EGFL6: variants seen among roughly 807,000 people sequenced by gnomAD.
EGFL6 encodes EGF like domain multiple 6, also known as epidermal growth factor-like protein 6.
Under a neutral mutation model 43.1 loss-of-function variants are expected in EGFL6, and 42 were observed. The ratio of observed to expected loss-of-function variants is 0.98; its 90% CI spans 0.76 to 1.26. The LOEUF is 1.26. Among genes scored for constraint, EGFL6 ranks in the 50% most tolerant of loss-of-function variants. The pLI, the probability that EGFL6 is intolerant of heterozygous loss-of-function variation, is 0.00. For missense variants in EGFL6, 429 were observed against 427.8 expected, an observed-to-expected ratio of 1.00 and a Z score of -0.02; for synonymous variants, 164 against 163.2, an observed-to-expected ratio of 1.01 and a Z score of -0.04.
At chrX:13,594,415 C>T (rs2045585002) in intron 2 of EGFL6, among the ~76,000 whole-genome samples, 1 of 111,591 alleles carries the variant, frequency 9.0e-6, no homozygotes. Flanking sequence ...GCACCTTCCT[C>T]CCTCCAATCT....
At chrX:13,592,215 TAAA>T (rs34800412) in intron 2 of EGFL6, among the ~76,000 whole-genome samples, 1 of 90,005 alleles carries the variant, frequency 1.1e-5, no homozygotes. Flanking sequence ...CTTCAGGGCT[TAAA>T]AAAAAAAAAA....
rs1423748003 is a variant in EGFL6 at position 13,632,971 on chromosome X, C to G, written c.1552-14C>G. The stretch of plus-strand genomic sequence containing the variant: ...CAGTTTGGAGTAATTTTTTTATTCT[C>G]TCTCCATTATTAGATCATTTTTGAA... On this transcript the variant is annotated splice_polypyrimidine_tract_variant and intron_variant, in intron 11 of 11. Coordinates refer to ENST00000361306, the MANE Select transcript of EGFL6 (RefSeq NM_015507.4). 8.4e-7 allele frequency: 1 copy of G among 1,193,128 alleles called. No homozygotes were observed. The highest frequency in any genetic ancestry group is 1.1e-6 in the Non-Finnish European group (1 of 882,786).
intron 1 of EGFL6, 79 bp downstream of exon 1, chrX:13,570,014 A>G: frequency 1.1e-6 from 1 of 946,056 alleles, no homozygotes. Flanking sequence ...CTTTGCAGGC[A>G]CCCCCGCGTG....
At chrX:13,582,806 C>G (rs908293336) in intron 1 of EGFL6, among the ~76,000 whole-genome samples, 1 of 111,508 alleles carries the variant, frequency 9.0e-6, no homozygotes, top group Admixed American at 9.5e-5. Flanking sequence ...TTTGCAATCC[C>G]AAGTAATTGA....
chrX:13,617,668 C>T, intron 7 of EGFL6, 62 bp from the exon 8 acceptor site: 2 of 1,010,353 alleles, frequency 2.0e-6, no homozygotes, highest in Non-Finnish European at 2.7e-6. Flanking sequence ...TTTAAATGCT[C>T]CATTTTGTGA....
At chrX:13,584,250 C>T (rs1259868254) in intron 1 of EGFL6, among the ~76,000 whole-genome samples, 3 of 111,478 alleles carry the variant, frequency 2.7e-5, no homozygotes, top group Non-Finnish European at 5.7e-5. Context: ...AGCCTCTCAA[C>T]ATTCAGAGTT....
chrX:13,592,265 A>C, intron 2 of EGFL6, among the ~76,000 whole-genome samples: 1 of 110,815 alleles, frequency 9.0e-6, no homozygotes. Flanking sequence ...TTAAAGTTGC[A>C]ACTCCAAGTA....
chrX:13,594,545 C>T (rs1004859748), intron 2 of EGFL6, among the ~76,000 whole-genome samples: 2 of 112,084 alleles, frequency 1.8e-5, no homozygotes, highest in Non-Finnish European at 3.8e-5. Flanking sequence ...AGGGGAATGA[C>T]GTTGGCATTT....
chrX:13,583,841 T>C (rs1221361252), intron 1 of EGFL6, among the ~76,000 whole-genome samples: 1 of 111,684 alleles, frequency 9.0e-6, no homozygotes, highest in Non-Finnish European at 1.9e-5. Context: ...CTCTTGGAAA[T>C]CCAGCACCAC....
intron 5 of EGFL6, among the ~76,000 whole-genome samples, chrX:13,605,578 CA>C (rs61513005): frequency 0.01 from 616 of 60,342 alleles, 7 homozygotes; most frequent in African/African-American, 0.031. Flanking sequence ...GGCCTTGTCT[CA>C]AAAAAAAAAA....
Position 13,618,030 on chromosome X carries a change from G to A in EGFL6, c.1079G>A (p.Arg360Gln), listed in dbSNP as rs969155152. Residue 360 changes from arginine (R) to glutamine (Q), a missense_variant, in exon 8 of 12, where the codon CGA becomes CAA. Physicochemically the swap from Arg to Gln is conservative, Grantham distance 43 (BLOSUM62 1). Transcript: ENST00000361306. The stretch of plus-strand genomic sequence containing the variant: ...GCCCTGAAGAATGACATAGAGGAGC[G>A]AAGCCTGCGAGGAGATGTGTTTTGT... ...EKALKNDIEERSLRGDVFFPK... is the reference protein window; with the variant it reads ...EKALKNDIEEQSLRGDVFFPK... The A allele has an allele frequency of 1.2e-5, 14 of 1,197,190 alleles. No homozygotes were observed. The highest frequency in any genetic ancestry group is 8.9e-5 in the East Asian group (3 of 33,608).
At position 13,627,163 on chromosome X, in the gene EGFL6, G is replaced by C; in HGVS notation, c.1438G>C (p.Val480Leu). 8.2e-7 allele frequency: 1 copy of C among 1,212,263 alleles called. No homozygotes were observed. The highest frequency in any genetic ancestry group is 3.0e-5 in the East Asian group (1 of 33,878). The part of the protein sequence containing the change: ...LAGDKVGKLR[V>L]FVKNSNNALA... Reference sequence around the variant, plus strand: ...CGGAGACAAAGTCGGGAAACTTCGAGTGTTTGTGAAAAACAGTAACAATGC... The same window carrying C: ...CGGAGACAAAGTCGGGAAACTTCGACTGTTTGTGAAAAACAGTAACAATGC... The change falls in exon 11 of 12, where the codon GTG (valine) becomes CTG (leucine). Residue 480 changes from valine to leucine, a missense_variant. By Grantham distance (32) the Val-to-Leu change is conservative. Transcript: ENST00000361306.
chrX:13,597,679 G>A (rs1465234631), intron 3 of EGFL6, among the ~76,000 whole-genome samples: 1 of 111,384 alleles, frequency 9.0e-6, no homozygotes, highest in Non-Finnish European at 1.9e-5. Context: ...AGCTACTCGG[G>A]AGGCTGAGGC....
At position 13,608,402 on chromosome X, in the gene EGFL6, G is replaced by A; in HGVS notation, c.734G>A (p.Cys245Tyr). The part of the protein sequence containing the change: ...NCFNTQGSFK[C>Y]KCKQGYKGNG... ...TTCAATACCCAAGGGTCCTTCAAGTGTAAATGCAAGCAGGGATATAAAGGC... is the reference window on the plus strand; with the variant it reads ...TTCAATACCCAAGGGTCCTTCAAGTATAAATGCAAGCAGGGATATAAAGGC... Residue 245 changes from cysteine to tyrosine, a missense_variant, in exon 7 of 12, where the codon TGT becomes TAT. Transcript: ENST00000361306. The A allele has an allele frequency of 8.3e-7, 1 of 1,211,594 alleles. No homozygotes were observed. The highest frequency in any genetic ancestry group is 1.1e-6 in the Non-Finnish European group (1 of 895,325).
intron 1 of EGFL6, among the ~76,000 whole-genome samples, chrX:13,581,166 G>T (rs1366694875): frequency 8.9e-6 from 1 of 112,241 alleles, no homozygotes; most frequent in Non-Finnish European, 1.9e-5. Flanking sequence ...GCAATGGAAA[G>T]TTCCAACTTT....
chrX:13,572,502 G>T (rs945850696), intron 1 of EGFL6, among the ~76,000 whole-genome samples: 2 of 112,055 alleles, frequency 1.8e-5, no homozygotes, highest in Admixed American at 9.5e-5. Context: ...TGCTGGTCTA[G>T]AACACTTATT....
chrX:13,615,541 G>A (rs2045713952), intron 7 of EGFL6, among the ~76,000 whole-genome samples: 1 of 111,765 alleles, frequency 8.9e-6, no homozygotes. Flanking sequence ...CACACATTAC[G>A]GTCATAACTT....
At chrX:13,623,680 T>A (rs777404315) in intron 9 of EGFL6, 144 bp from the exon 10 acceptor site, 1 of 438,455 alleles carries the variant, frequency 2.3e-6, no homozygotes, top group Non-Finnish European at 3.8e-6. Flanking sequence ...TCAGAATGGC[T>A]TCACAGACAT....
At chrX:13,616,414 A>T (rs747366473) in intron 7 of EGFL6, among the ~76,000 whole-genome samples, 19 of 111,371 alleles carry the variant, frequency 1.7e-4, no homozygotes, top group Non-Finnish European at 3.0e-4. Context: ...GTTCGAGACT[A>T]GCCTGGCCAA....
Sources: allele counts gnomAD v4.1 joint callset (sites outside exome capture counted in the v4.1 genomes callset), GRCh38; gene constraint gnomAD v4.1.1; transcripts MANE v1.5; gene names NCBI Gene and HGNC (gene_info 2026-07-23, HGNC 2026-07-21).